The following S100PBP variants were observed in gnomAD, a reference collection of about 807,000 sequenced individuals.
S100PBP encodes the protein S100P binding protein, also known as S100P-binding protein.
A neutral mutation model predicts 39.9 loss-of-function variants in S100PBP; 15 were observed. The ratio of observed to expected loss-of-function variants is 0.38; its 90% CI spans 0.25 to 0.58. The LOEUF is 0.58. S100PBP is among the 20% of genes least tolerant of loss of function. The pLI is 0.70. For missense variants in S100PBP, 504 were observed against 487.3 expected (o/e 1.03, Z -0.32); for synonymous variants, 178 against 180.3 (o/e 0.99, Z 0.10).
At chr1:32,817,579 T>C (rs370979935), upstream of S100PBP, 2 of 485,558 alleles carry the variant, frequency 4.1e-6, no homozygotes. Context: ...CTCCCCCTGG[T>C]GTTGGCCCGG....
At chr1:32,833,739 A>T (rs952423149) in intron 5 of S100PBP, among the ~76,000 whole-genome samples, 1 of 152,158 alleles carries the variant, frequency 6.6e-6, no homozygotes, top group Non-Finnish European at 1.5e-5. Context: ...CTATAAATCT[A>T]TCCTGCCACC....
intron 5 of S100PBP, among the ~76,000 whole-genome samples, chr1:32,830,747 T>C (rs1012556925): frequency 1.3e-5 from 2 of 152,128 alleles, no homozygotes; most frequent in African/African-American, 2.4e-5. Flanking sequence ...GAATCACTTA[T>C]TAAAAAGATC....
rs1639346207 is a variant in S100PBP at position 32,826,710 on chromosome 1, A to T, written c.611A>T (p.Asn204Ile). Reference protein sequence around the residue: ...CTESEGISPNNSAWNGPQLSS... With the variant: ...CTESEGISPNISAWNGPQLSS... ...GAATCTGAAGGGATCAGCCCCAATAACTCTGCCTGGAATGGGCCCCAGCTC... is the reference window on the plus strand; with the variant it reads ...GAATCTGAAGGGATCAGCCCCAATATCTCTGCCTGGAATGGGCCCCAGCTC... The change falls in exon 3 of 7, where the codon AAC (asparagine) becomes ATC (isoleucine). Residue 204 changes from asparagine to isoleucine, a missense_variant. Transcript: ENST00000373475. 5.0e-6 allele frequency: 8 copies of T among 1,614,048 alleles called. No individual in the cohort carries two copies. Among genetic ancestry groups the T allele is most frequent in the Non-Finnish European group, 6.8e-6 (8 of 1,180,002 alleles).
intron 1 of S100PBP, chr1:32,818,967 C>G (rs571003521): frequency 6.6e-6 from 1 of 152,186 alleles, no homozygotes; most frequent in Non-Finnish European, 1.5e-5. Context: ...ATGGTCTTGA[C>G]TTTAGAGCTT....
Position 32,843,701 on chromosome 1 carries a change from C to T in S100PBP, c.1025-9378C>T, listed in dbSNP as rs150155484. ...CTCCCGACCTCAAGTGATCCGACCA[C>T]CTTGGCCTCTCAAAGTGCTGGGATT... On this transcript the variant is annotated intron_variant, in intron 5 of 6. Transcript: ENST00000373475. Among the ~76,000 whole-genome samples the T allele has an allele frequency of 3.3e-3, 497 of 152,160 alleles. 9 individuals are homozygous for T. Among genetic ancestry groups the T allele is most frequent in the Admixed American group, 0.021 (328 of 15,270 alleles).
intron 5 of S100PBP, among the ~76,000 whole-genome samples, chr1:32,846,277 C>T (rs1024827256): frequency 3.3e-5 from 5 of 152,216 alleles, no homozygotes; most frequent in South Asian, 2.1e-4. Flanking sequence ...GCATGAGCCA[C>T]CACGCCTGCC....
rs146668646 is a variant in S100PBP, at chr1:32,853,450, G to A, written c.1112+284G>A. On this transcript the variant is annotated intron_variant, in intron 6 of 6. Transcript: ENST00000373475. Reference sequence around the variant, plus strand: ...GGTGCCACTGTACTCAAGCCTGGGCGGCAGAGCAAGACTCCGTCTAAAAAA... The same window carrying A: ...GGTGCCACTGTACTCAAGCCTGGGCAGCAGAGCAAGACTCCGTCTAAAAAA... Among the ~76,000 whole-genome samples the A allele has an allele frequency of 3.6e-4, 53 of 148,920 alleles. 3 individuals are homozygous for A. In the East Asian group the frequency reaches 8.6e-3, roughly 24 times the overall value.
chr1:32,825,852 A>G (rs140934555), intron 2 of S100PBP, among the ~76,000 whole-genome samples: 20 of 152,370 alleles, frequency 1.3e-4, no homozygotes, highest in Admixed American at 2.6e-4. Flanking sequence ...TCGTTTCTCC[A>G]CATCCTCACC....
upstream of S100PBP, chr1:32,816,919 G>C (rs116562938): frequency 2.4e-3 from 1,425 of 590,048 alleles, 10 homozygotes; most frequent in African/African-American, 0.018. Context: ...CACTTAATAG[G>C]GGGGTGGAAT....
At chr1:32,847,417 C>T (rs1640427133) in intron 5 of S100PBP, 1 of 152,174 alleles carries the variant, frequency 6.6e-6, no homozygotes, top group South Asian at 2.1e-4. Flanking sequence ...TCTGAAAGCA[C>T]TTGTTTCATA....
At chr1:32,842,236 T>TATATATACACACACAC (rs372174677) in intron 5 of S100PBP, among the ~76,000 whole-genome samples, 1 of 80,854 alleles carries the variant, frequency 1.2e-5, no homozygotes, top group Non-Finnish European at 2.3e-5. Flanking sequence ...TATATATATA[T>TATATATACACACACAC]ACACACACAC....
chr1:32,852,000 G>A (rs1050290914), intron 5 of S100PBP, among the ~76,000 whole-genome samples: 3 of 152,202 alleles, frequency 2.0e-5, no homozygotes, highest in Non-Finnish European at 4.4e-5. Context: ...AGGACATGGA[G>A]TCACACAGGA....
At chr1:32,848,702 T>C (rs1298319230) in intron 5 of S100PBP, among the ~76,000 whole-genome samples, 1 of 152,194 alleles carries the variant, frequency 6.6e-6, no homozygotes, top group Admixed American at 6.5e-5. Context: ...TCCGTCCTCC[T>C]CCATTATGAT....
chr1:32,851,122 G>A (rs925888864), intron 5 of S100PBP, among the ~76,000 whole-genome samples: 17 of 152,158 alleles, frequency 1.1e-4, no homozygotes, highest in African/African-American at 3.9e-4. Flanking sequence ...CTAATTGATG[G>A]ATTGGAATTT....
At chr1:32,833,360 T>G (rs1569873824) in intron 5 of S100PBP, among the ~76,000 whole-genome samples, 1 of 151,870 alleles carries the variant, frequency 6.6e-6, no homozygotes, top group African/African-American at 2.4e-5. Context: ...CTTTCATTTT[T>G]TATTATTTTC....
At chr1:32,824,228 C>T (rs1639219351) in intron 1 of S100PBP, among the ~76,000 whole-genome samples, 1 of 150,100 alleles carries the variant, frequency 6.7e-6, no homozygotes, top group South Asian at 2.1e-4. Flanking sequence ...AAAAGGAATG[C>T]ATGAACTAAA....
intron 6 of S100PBP, 108 bp downstream of exon 6, chr1:32,853,274 G>C (rs1640692266): frequency 1.6e-6 from 1 of 606,668 alleles, no homozygotes; most frequent in Admixed American, 2.8e-5. Flanking sequence ...GGTCGTTTGA[G>C]ACCATCCTGG....
chr1:32,846,665 A>G (rs543768481), intron 5 of S100PBP: 7 of 152,088 alleles, frequency 4.6e-5, no homozygotes, highest in Admixed American at 3.9e-4. Flanking sequence ...GAGTGCAGTA[A>G]CATGATTATA....
chr1:32,829,823 C>T (rs1639512633), intron 4 of S100PBP, 141 bp from the exon 5 acceptor site: 1 of 629,274 alleles, frequency 1.6e-6, no homozygotes, highest in Admixed American at 2.8e-5. Flanking sequence ...TAATACTGTC[C>T]TCTGCCTCTC....
Sources: gnomAD v4.1 joint callset for allele counts (sites outside exome capture counted in the v4.1 genomes callset) on GRCh38, gnomAD v4.1.1 for gene constraint, MANE v1.5 for transcripts, NCBI Gene and HGNC (gene_info 2026-07-23, HGNC 2026-07-21) for gene names.